Variants in MID1 observed in about 807,000 individuals in gnomAD.
MID1 encodes E3 ubiquitin-protein ligase Midline-1.
A neutral mutation model predicts 40.4 loss-of-function variants in MID1; 7 were observed. The observed-to-expected ratio is 0.17, with a 90% CI of 0.10 to 0.33. The LOEUF is 0.33. Among genes scored for constraint, MID1 ranks in the 10% least tolerant of loss-of-function variants. The pLI, the probability that MID1 is intolerant of heterozygous loss-of-function variation, is 1.00. For missense variants in MID1, 367 were observed against 558.5 expected (o/e 0.66, Z 3.46); for synonymous variants, 229 against 221.2 (o/e 1.04, Z -0.31).
chrX:10,519,922 C>T (rs1016982042), intron 3 of MID1, among the ~76,000 whole-genome samples: 2 of 112,070 alleles, frequency 1.8e-5, no homozygotes, highest in Admixed American at 9.5e-5. Flanking sequence ...TTTACAAACA[C>T]AAAGTATTTT....
chrX:10,500,019 C>T (rs1288475178), intron 3 of MID1, among the ~76,000 whole-genome samples: 1 of 112,171 alleles, frequency 8.9e-6, no homozygotes, highest in Non-Finnish European at 1.9e-5. Flanking sequence ...TGAAGAAACA[C>T]CTAAACTTAT....
At chrX:10,534,524 C>CT (rs1344022421) in intron 2 of MID1, among the ~76,000 whole-genome samples, 1 of 111,654 alleles carries the variant, frequency 9.0e-6, no homozygotes, top group Admixed American at 9.5e-5. Flanking sequence ...GTATGATTTC[C>CT]TTTTTTTCTA....
At chrX:10,684,711 TTG>T (rs1396777962) in intron 1 of MID1, among the ~76,000 whole-genome samples, 1 of 111,469 alleles carries the variant, frequency 9.0e-6, no homozygotes, top group Non-Finnish European at 1.9e-5. Flanking sequence ...GCCCGGCCAA[TTG>T]TGTCTTTTTC....
intron 1 of MID1, among the ~76,000 whole-genome samples, chrX:10,674,602 G>C (rs2043009966): frequency 8.9e-6 from 1 of 112,286 alleles, no homozygotes; most frequent in South Asian, 3.7e-4. Flanking sequence ...GACGCTCTCA[G>C]GTTCAAATAT....
intron 3 of MID1, among the ~76,000 whole-genome samples, chrX:10,510,582 C>T (rs1932070832): frequency 9.0e-6 from 1 of 111,127 alleles, no homozygotes; most frequent in Admixed American, 9.5e-5. Flanking sequence ...CCTGTAATCC[C>T]AGCACTTTGG....
At chrX:10,504,760 G>T (rs1238834846) in intron 3 of MID1, among the ~76,000 whole-genome samples, 1 of 106,820 alleles carries the variant, frequency 9.4e-6, no homozygotes, top group Non-Finnish European at 1.9e-5. Flanking sequence ...AGGAGTTGGG[G>T]GACTTTTTTT....
intron 1 of MID1, among the ~76,000 whole-genome samples, chrX:10,755,141 A>G (rs2043624373): frequency 8.9e-6 from 1 of 112,004 alleles, no homozygotes; most frequent in Non-Finnish European, 1.9e-5. Flanking sequence ...TTGTTTGTAG[A>G]TTGATGATTT....
At chrX:10,794,573 T>C (rs1027158780) in intron 1 of MID1, among the ~76,000 whole-genome samples, 6 of 112,009 alleles carry the variant, frequency 5.4e-5, no homozygotes. Context: ...GTGATGACAG[T>C]TTGCACCAGC....
intron 1 of MID1, among the ~76,000 whole-genome samples, chrX:10,645,873 C>G (rs988326548): frequency 8.9e-6 from 1 of 111,790 alleles, no homozygotes; most frequent in Non-Finnish European, 1.9e-5. Context: ...CCCAGATGTA[C>G]AGGGAGTTGA....
chrX:10,652,653 A>G (rs1386724163), intron 1 of MID1, among the ~76,000 whole-genome samples: 1 of 111,619 alleles, frequency 9.0e-6, no homozygotes, highest in East Asian at 2.8e-4. Flanking sequence ...AAGCTCTAAG[A>G]GGCTGTCCTT....
chrX:10,720,778 G>C (rs1017577903), intron 1 of MID1, among the ~76,000 whole-genome samples: 1 of 110,460 alleles, frequency 9.1e-6, no homozygotes, highest in Non-Finnish European at 1.9e-5. Flanking sequence ...ATTCACAATA[G>C]CAAAGACTTG....
chrX:10,549,090 C>T (rs1197710315), intron 2 of MID1, among the ~76,000 whole-genome samples: 3 of 111,466 alleles, frequency 2.7e-5, no homozygotes, highest in Non-Finnish European at 5.6e-5. Flanking sequence ...ATATTATTGT[C>T]TGGGTTATTA....
At chrX:10,486,099 G>A (rs890894045) in intron 4 of MID1, among the ~76,000 whole-genome samples, 48 of 111,609 alleles carry the variant, frequency 4.3e-4, no homozygotes, top group Non-Finnish European at 1.1e-4. Flanking sequence ...TCTCCAGTCC[G>A]CCCACCTATA....
At chrX:10,592,983 A>G (rs1935340081) in intron 1 of MID1, among the ~76,000 whole-genome samples, 1 of 112,305 alleles carries the variant, frequency 8.9e-6, no homozygotes, top group African/African-American at 3.2e-5. Context: ...GATCATAAAT[A>G]GAGATGACGT....
intron 2 of MID1, among the ~76,000 whole-genome samples, chrX:10,537,433 C>T: frequency 8.9e-6 from 1 of 112,076 alleles, no homozygotes; most frequent in Non-Finnish European, 1.9e-5. Context: ...TGTCTGTGAC[C>T]TTCGTCTATC....
In MID1 at chrX:10,446,141, A is replaced by G. The variant is rs1051941548; in HGVS notation, c.*3227T>C. ...CATTGCCAAATGTCTCCTGGGGGGCAAAATCGAGCACTGGTTGAGAAGCGC... is the reference window on the plus strand; with the variant it reads ...CATTGCCAAATGTCTCCTGGGGGGCGAAATCGAGCACTGGTTGAGAAGCGC... On this transcript the variant is annotated 3_prime_UTR_variant, in exon 10 of 10. Coordinates refer to ENST00000317552, the MANE Select transcript of MID1 (RefSeq NM_000381.4). 5 of 111,567 alleles carry G rather than the reference A, an allele frequency of 4.5e-5. No individual in the cohort carries two copies. Among genetic ancestry groups the G allele is most frequent in the African/African-American group, 1.6e-4 (5 of 30,658 alleles). 9.2% of individuals were successfully genotyped at this position (111,567 alleles called of 1,213,427 possible).
upstream of MID1, among the ~76,000 whole-genome samples, chrX:10,625,080 T>C (rs1487400221): frequency 8.9e-6 from 1 of 112,125 alleles, no homozygotes; most frequent in African/African-American, 3.2e-5. Context: ...AATTATTTTT[T>C]AAGTGATTGC....
chrX:10,566,544 TC>T (rs1934556438), intron 2 of MID1, among the ~76,000 whole-genome samples: 1 of 103,109 alleles, frequency 9.7e-6, no homozygotes, highest in African/African-American at 3.9e-5. Context: ...TCTCTCTCTC[TC>T]TCTCTCTCTC....
chrX:10,780,792 G>T (rs1400531203), intron 1 of MID1, among the ~76,000 whole-genome samples: 1 of 111,755 alleles, frequency 8.9e-6, no homozygotes, highest in Admixed American at 9.6e-5. Context: ...CATAGATGTG[G>T]TGGTAGGGGG....
Sources: allele counts gnomAD v4.1 joint callset (sites outside exome capture counted in the v4.1 genomes callset), GRCh38; gene constraint gnomAD v4.1.1; transcripts MANE v1.5; gene names NCBI Gene and HGNC (gene_info 2026-07-23, HGNC 2026-07-21).